Variants in FAM13A observed in about 807,000 individuals in gnomAD.
FAM13A encodes the protein protein FAM13A.
A neutral mutation model predicts 129.6 loss-of-function variants in FAM13A; 76 were observed. The observed-to-expected ratio is 0.59, with a 90% CI of 0.49 to 0.71. The LOEUF (loss-of-function observed/expected upper bound fraction) is 0.71, where lower values mean the gene tolerates loss of function less well. Among genes scored for constraint, FAM13A ranks in the 30% least tolerant of loss-of-function variants. The pLI is 0.00. For missense variants in FAM13A, 1,108 were observed against 1,249.3 expected (o/e 0.89, Z 1.70); for synonymous variants, 443 against 449.9 (o/e 0.98, Z 0.20).
intron 1 of FAM13A, among the ~76,000 whole-genome samples, chr4:89,052,657 G>C (rs994177584): frequency 6.6e-6 from 1 of 151,910 alleles, no homozygotes; most frequent in Non-Finnish European, 1.5e-5. Context: ...CTGTTGACAT[G>C]GCTGATACAT....
chr4:88,893,867 A>G (rs1159801592), intron 6 of FAM13A, among the ~76,000 whole-genome samples: 2 of 151,682 alleles, frequency 1.3e-5, no homozygotes, highest in African/African-American at 4.8e-5. Context: ...AGTTACGCAC[A>G]AGCTTTTGGA....
intron 4 of FAM13A, among the ~76,000 whole-genome samples, chr4:88,942,395 C>T (rs946835868): frequency 3.3e-5 from 5 of 151,684 alleles, no homozygotes; most frequent in Admixed American, 6.6e-5. Flanking sequence ...GGTGAAACCC[C>T]GTCTCTACTA....
In FAM13A at chr4:88,728,318, C is replaced by T; in HGVS notation, c.*215G>A. ...GTGCACATACTGCAGTCTTGACTTT[C>T]CAATTACAAAATGCCTAAGTCAGGT... On this transcript the variant is annotated 3_prime_UTR_variant, in exon 24 of 24. Transcript: ENST00000264344. 1 of 597,424 alleles carries T rather than the reference C, an allele frequency of 1.7e-6. No individual in the cohort carries two copies. Among genetic ancestry groups the T allele is most frequent in the South Asian group, 2.0e-5 (1 of 49,500 alleles). 37.0% of individuals were successfully genotyped at this position (597,424 alleles called of 1,614,324 possible).
intron 3 of FAM13A, among the ~76,000 whole-genome samples, chr4:89,002,176 C>CAAAAAA (rs11370599): frequency 6.1e-5 from 7 of 115,644 alleles, no homozygotes; most frequent in African/African-American, 9.1e-5. Flanking sequence ...CACCCAACGG[C>CAAAAAA]AAAAAAAAAA....
chr4:88,872,265 T>C (rs1741551410), intron 6 of FAM13A, among the ~76,000 whole-genome samples: 1 of 152,144 alleles, frequency 6.6e-6, no homozygotes, highest in Non-Finnish European at 1.5e-5. Context: ...GCTAACATCA[T>C]AATGACAGGA....
At chr4:88,739,347 G>T (rs1739695377) in intron 19 of FAM13A, among the ~76,000 whole-genome samples, 1 of 152,138 alleles carries the variant, frequency 6.6e-6, no homozygotes, top group African/African-American at 2.4e-5. Flanking sequence ...TCCACTGGTA[G>T]TACTGCTTTT....
At chr4:88,802,602 C>T (rs1286815549) in intron 8 of FAM13A, among the ~76,000 whole-genome samples, 1 of 152,144 alleles carries the variant, frequency 6.6e-6, no homozygotes, top group Non-Finnish European at 1.5e-5. Context: ...ATGAGAATAT[C>T]ACATTATAGA....
At position 88,739,056 on chromosome 4, in the gene FAM13A, A is replaced by G. The variant is rs1257006880; in HGVS notation, c.2536T>C (p.Ser846Pro). ...DRYRLVKQIL[S>P]RANTIPIIGS... ...ATGATGGGTATGGTGTTAGCTCGGGAGAGGATCTGTTTGACCAGCCGGTAC... is the reference window on the plus strand; with the variant it reads ...ATGATGGGTATGGTGTTAGCTCGGGGGAGGATCTGTTTGACCAGCCGGTAC... Residue 846 changes from serine (S) to proline (P), a missense_variant, in exon 20 of 24, where the codon TCC (serine) becomes CCC (proline). Transcript: ENST00000264344. 3 of 1,613,402 alleles carry G rather than the reference A, an allele frequency of 1.9e-6. No individual in the cohort carries two copies. The highest frequency in any genetic ancestry group is 1.7e-5 in the Admixed American group (1 of 59,990).
At chr4:88,942,007 A>G (rs1754839922) in intron 4 of FAM13A, among the ~76,000 whole-genome samples, 1 of 152,132 alleles carries the variant, frequency 6.6e-6, no homozygotes, top group African/African-American at 2.4e-5. Context: ...CCAAGATCCA[A>G]CATAAAAATG....
intron 6 of FAM13A, among the ~76,000 whole-genome samples, chr4:88,887,638 C>T (rs906179453): frequency 1.3e-5 from 2 of 149,348 alleles, no homozygotes; most frequent in African/African-American, 5.0e-5. Context: ...TCAAGTGATT[C>T]TCTTGCCTTA....
chr4:88,850,899 T>C (rs1737445842), intron 7 of FAM13A, 121 bp downstream of exon 7: 1 of 811,538 alleles, frequency 1.2e-6, no homozygotes, highest in South Asian at 2.0e-5. Flanking sequence ...TAAGTATCTT[T>C]ACTGATCTAT....
intron 4 of FAM13A, among the ~76,000 whole-genome samples, chr4:88,970,184 T>C (rs1759878097): frequency 6.6e-6 from 1 of 152,236 alleles, no homozygotes; most frequent in Admixed American, 6.5e-5. Flanking sequence ...CTTCCTTGTT[T>C]ACATCTGAGA....
At chr4:88,758,573 G>A (rs1156626331) in intron 14 of FAM13A, among the ~76,000 whole-genome samples, 181 bp downstream of exon 14, 1 of 152,122 alleles carries the variant, frequency 6.6e-6, no homozygotes, top group African/African-American at 2.4e-5. Flanking sequence ...ACTGCCCTCA[G>A]CAACATTTAC....
At chr4:89,005,838 A>G (rs2149068919) in intron 3 of FAM13A, among the ~76,000 whole-genome samples, 2 of 152,254 alleles carry the variant, frequency 1.3e-5, no homozygotes, top group Middle Eastern at 3.4e-3. Flanking sequence ...TAGTTTGCAA[A>G]TATTTTCTCC....
At chr4:88,950,262 G>T (rs563473464) in intron 4 of FAM13A, among the ~76,000 whole-genome samples, 2 of 150,716 alleles carry the variant, frequency 1.3e-5, no homozygotes, top group African/African-American at 4.9e-5. Context: ...GGCTGGAGTG[G>T]TGATCATTGC....
chr4:88,837,277 G>A (rs540844208), intron 7 of FAM13A, among the ~76,000 whole-genome samples: 5 of 151,670 alleles, frequency 3.3e-5, no homozygotes, highest in Admixed American at 6.6e-5. Context: ...TTACAAGTGT[G>A]AGCCACTGCG....
intron 6 of FAM13A, among the ~76,000 whole-genome samples, chr4:88,863,642 T>C (rs1240834408): frequency 6.6e-6 from 1 of 152,194 alleles, no homozygotes; most frequent in East Asian, 1.9e-4. Flanking sequence ...ACTATGCTAA[T>C]GCCAGGCAGT....
chr4:88,888,708 CG>C (rs1285176775), intron 6 of FAM13A, among the ~76,000 whole-genome samples: 1 of 151,132 alleles, frequency 6.6e-6, no homozygotes, highest in African/African-American at 2.4e-5. Context: ...GGCGGATCAA[CG>C]GGTCAGGAGA....
chr4:89,022,623 C>G (rs2149112902), intron 2 of FAM13A, among the ~76,000 whole-genome samples: 1 of 152,238 alleles, frequency 6.6e-6, no homozygotes, highest in East Asian at 1.9e-4. Flanking sequence ...CATTATAATC[C>G]CCTCTACTTG....
Sources: allele counts gnomAD v4.1 joint callset (sites outside exome capture counted in the v4.1 genomes callset), GRCh38; gene constraint gnomAD v4.1.1; transcripts MANE v1.5; gene names NCBI Gene and HGNC (gene_info 2026-07-23, HGNC 2026-07-21).